Variants in DAAM1 observed in about 807,000 individuals in gnomAD.
The protein encoded by DAAM1 is disheveled-associated activator of morphogenesis 1.
In DAAM1, 52 loss-of-function variants were observed where a neutral mutation model predicts 130.0. The ratio of observed to expected loss-of-function variants is 0.40; its 90% CI spans 0.32 to 0.50. DAAM1 has a LOEUF of 0.50. Among genes scored for constraint, DAAM1 ranks in the 20% least tolerant of loss-of-function variants. DAAM1 has a pLI of 0.61. For synonymous variants in DAAM1, 452 were observed against 444.5 expected (o/e 1.02, Z -0.21); for missense variants, 1,134 against 1,303.8 (o/e 0.87, Z 2.01).
chr14:59,247,544 A>G (rs1881443705), intron 1 of DAAM1, among the ~76,000 whole-genome samples: 1 of 152,120 alleles, frequency 6.6e-6, no homozygotes, highest in Admixed American at 6.5e-5. Flanking sequence ...ATCTTCTTTA[A>G]TTACTTTCAG....
intron 4 of DAAM1, among the ~76,000 whole-genome samples, chr14:59,319,902 T>C (rs1884940450): frequency 7.0e-6 from 1 of 141,932 alleles, no homozygotes; most frequent in Admixed American, 7.3e-5. Flanking sequence ...AGCACTGCTC[T>C]AGCAGATCCC....
At chr14:59,307,503 G>C (rs1318492847) in intron 3 of DAAM1, among the ~76,000 whole-genome samples, 1 of 152,164 alleles carries the variant, frequency 6.6e-6, no homozygotes, top group Non-Finnish European at 1.5e-5. Context: ...TTAGAGAATT[G>C]ATAAAGAGGG....
intron 3 of DAAM1, among the ~76,000 whole-genome samples, chr14:59,306,983 G>A (rs577608587): frequency 1.3e-5 from 2 of 152,292 alleles, no homozygotes; most frequent in African/African-American, 4.8e-5. Context: ...ATTTAGATGC[G>A]AGGAGTCTGG....
At chr14:59,309,314 G>T (rs1884488648) in intron 3 of DAAM1, among the ~76,000 whole-genome samples, 1 of 152,168 alleles carries the variant, frequency 6.6e-6, no homozygotes, top group African/African-American at 2.4e-5. Flanking sequence ...TGGCAAGAAG[G>T]TACACTTCAC....
At chr14:59,282,918 A>AT (rs1169329078) in intron 2 of DAAM1, among the ~76,000 whole-genome samples, 3 of 151,378 alleles carry the variant, frequency 2.0e-5, no homozygotes, top group Non-Finnish European at 4.4e-5. Flanking sequence ...CCCTACAGTA[A>AT]TTTTTTTTTG....
chr14:59,298,154 C>T (rs17096045), intron 3 of DAAM1, among the ~76,000 whole-genome samples: 24,004 of 152,132 alleles, frequency 0.16, 2,355 homozygotes, highest in East Asian at 0.33. Context: ...GCCAGAGAAG[C>T]GGGACCACTG....
At chr14:59,335,157 C>T (rs1177885795) in intron 15 of DAAM1, among the ~76,000 whole-genome samples, 1 of 152,152 alleles carries the variant, frequency 6.6e-6, no homozygotes, top group Admixed American at 6.5e-5. Context: ...GGTTTTTACT[C>T]ATTATAAATG....
chr14:59,368,053 GTTT>G (rs1566513613), intron 24 of DAAM1, among the ~76,000 whole-genome samples: 1 of 151,972 alleles, frequency 6.6e-6, no homozygotes, highest in African/African-American at 2.4e-5. Flanking sequence ...TTTCTGTTTT[GTTT>G]TTTAAGGTGT....
intron 1 of DAAM1, among the ~76,000 whole-genome samples, chr14:59,260,805 G>A (rs1882126451): frequency 6.6e-6 from 1 of 152,164 alleles, no homozygotes; most frequent in African/African-American, 2.4e-5. Flanking sequence ...GTAGCAGTGG[G>A]TGTACTCTCA....
chr14:59,273,331 CATTT>C (rs1161539343), intron 2 of DAAM1, among the ~76,000 whole-genome samples: 1 of 152,120 alleles, frequency 6.6e-6, no homozygotes, highest in African/African-American at 2.4e-5. Context: ...TTTCAATTAT[CATTT>C]ATTTCTGGAT....
At chr14:59,234,814 A>G (rs1490728924) in intron 1 of DAAM1, among the ~76,000 whole-genome samples, 1 of 151,944 alleles carries the variant, frequency 6.6e-6, no homozygotes, top group African/African-American at 2.4e-5. Flanking sequence ...TACCTAGTTT[A>G]TGAGAGTTTT....
At chr14:59,318,628 A>G (rs10483714) in intron 4 of DAAM1, among the ~76,000 whole-genome samples, 10,081 of 152,084 alleles carry the variant, frequency 0.066, 432 homozygotes, top group Non-Finnish European at 0.099. Context: ...GAAAAGTCAC[A>G]TTTAGAACAT....
chr14:59,215,625 C>T (rs948528150), intron 1 of DAAM1, among the ~76,000 whole-genome samples: 3 of 152,198 alleles, frequency 2.0e-5, no homozygotes, highest in Non-Finnish European at 4.4e-5. Context: ...TCATAATCCA[C>T]CACAGTAGTA....
intron 2 of DAAM1, among the ~76,000 whole-genome samples, chr14:59,281,091 T>C (rs969554343): frequency 9.9e-5 from 15 of 152,134 alleles, no homozygotes; most frequent in Admixed American, 9.8e-4. Context: ...GAGTTGACAG[T>C]CGACTTGCAA....
chr14:59,284,985 A>C (rs545843694), intron 2 of DAAM1, among the ~76,000 whole-genome samples: 1 of 152,222 alleles, frequency 6.6e-6, no homozygotes, highest in South Asian at 2.1e-4. Context: ...ATGCAGGGTA[A>C]CCATCCCTAA....
rs143817513 is a variant in DAAM1, at chr14:59,254,022, A to C, written c.-37-9419A>C. ...TTTCTTTTTTAAACAATGTCTTTTA[A>C]TATTATTTGCATTTTCTATGTGGAT... On this transcript the variant is annotated intron_variant, in intron 1 of 24. Transcript: ENST00000360909. 3.9e-4 allele frequency among the ~76,000 whole-genome samples: 59 copies of C among 152,308 alleles called. No homozygotes were observed. In the East Asian group the frequency reaches 0.01, roughly 26 times the overall value.
At chr14:59,305,688 G>A (rs1157883345) in intron 3 of DAAM1, among the ~76,000 whole-genome samples, 1 of 152,138 alleles carries the variant, frequency 6.6e-6, no homozygotes, top group African/African-American at 2.4e-5. Flanking sequence ...TTGGAGCAGA[G>A]GGCTCCTGAA....
At chr14:59,363,871 C>G in intron 23 of DAAM1, 89 bp downstream of exon 23, 1 of 1,548,904 alleles carries the variant, frequency 6.5e-7, no homozygotes, top group Non-Finnish European at 8.7e-7. Flanking sequence ...CGGGAAATAG[C>G]AGGAGTGAGA....
chr14:59,226,185 A>C (rs1026267668), intron 1 of DAAM1, among the ~76,000 whole-genome samples: 2 of 152,106 alleles, frequency 1.3e-5, no homozygotes, highest in African/African-American at 4.8e-5. Flanking sequence ...TTTCAGCTTG[A>C]TGGAGGGATA....
Sources: gnomAD v4.1 joint callset for allele counts (sites outside exome capture counted in the v4.1 genomes callset) on GRCh38, gnomAD v4.1.1 for gene constraint, MANE v1.5 for transcripts, NCBI Gene and HGNC (gene_info 2026-07-23, HGNC 2026-07-21) for gene names.